FGA: variants seen among roughly 807,000 people sequenced by gnomAD.
The protein encoded by FGA is fibrinogen, A alpha polypeptide.
A neutral mutation model predicts 20.3 loss-of-function variants in FGA; 20 were observed. The observed-to-expected ratio is 0.99, with a 90% CI of 0.69 to 1.43. The LOEUF (loss-of-function observed/expected upper bound fraction) is 1.43, where lower values mean the gene tolerates loss of function less well. FGA is among the 40% of genes most tolerant of loss of function. FGA has a pLI of 0.00. For missense variants in FGA, 777 were observed against 784.7 expected, an observed-to-expected ratio of 0.99 and a Z score of 0.12; for synonymous variants, 306 against 281.6, an observed-to-expected ratio of 1.09 and a Z score of -0.87.
At chr4:154,584,366 T>C (rs1251873313), downstream of FGA, 2 of 1,614,126 alleles carry the variant, frequency 1.2e-6, no homozygotes, top group East Asian at 4.5e-5. Flanking sequence ...CTGTCAAAGG[T>C]GCTGAACTGC....
chr4:154,586,839 T>G lies in FGA; in HGVS notation c.590A>C (p.Tyr197Ser). 1 of 1,614,196 alleles carries G rather than the reference T, an allele frequency of 6.2e-7. No homozygotes were observed. The highest frequency in any genetic ancestry group is 1.7e-5 in the Admixed American group (1 of 60,022). Residue 197 changes from tyrosine (Y) to serine (S), a missense_variant, in exon 5 of 5, where the codon TAT (tyrosine) becomes TCT (serine). Physicochemically the swap from Tyr to Ser is moderately radical, Grantham distance 144. Coordinates refer to ENST00000403106, the MANE Select transcript of FGA (RefSeq NM_021871.4). ...ALAREVDLKD[Y>S]EDQQKQLEQV... ...TTCAAGTTGCTTCTGCTGATCTTCATAGTCCTTCAGATCTACTTCACGAGC... is the reference window on the plus strand; with the variant it reads ...TTCAAGTTGCTTCTGCTGATCTTCAGAGTCCTTCAGATCTACTTCACGAGC...
Position 154,585,862 on chromosome 4 carries a change from C to T in FGA, c.1567G>A (p.Ala523Thr). Residue 523 changes from alanine (A) to threonine (T), a missense_variant, in exon 5 of 5, where the codon GCC becomes ACC. By Grantham distance (58) the Ala-to-Thr change is moderately conservative. Coordinates refer to ENST00000403106, the MANE Select transcript of FGA (RefSeq NM_021871.4). ...HPDEAAFFDT[A>T]STGKTFPGFF... ...CCTGGGAATGTTTTTCCAGTTGAGG[C>T]AGTGTCGAAGAAGGCAGCTTCATCA... The T allele has an allele frequency of 6.2e-7, 1 of 1,614,118 alleles. No individual in the cohort carries two copies. Among genetic ancestry groups the T allele is most frequent in the Non-Finnish European group, 8.5e-7 (1 of 1,179,998 alleles).
downstream of FGA, chr4:154,585,181 A>G: frequency 8.1e-7 from 1 of 1,232,364 alleles, no homozygotes; most frequent in Non-Finnish European, 1.0e-6. Flanking sequence ...CATACTAAAA[A>G]TGTGATTAAT....
chr4:154,584,125 T>C, downstream of FGA: 3 of 1,104,512 alleles, frequency 2.7e-6, no homozygotes, highest in Non-Finnish European at 3.6e-6. Flanking sequence ...TTCTTCAGCC[T>C]ATTGGGTCAC....
At chr4:154,584,168 G>A, downstream of FGA, 1 of 1,614,078 alleles carries the variant, frequency 6.2e-7, no homozygotes. Context: ...ACAGCCCTGA[G>A]GGAATAATCT....
At chr4:154,587,095 T>G (rs537164289) in intron 4 of FGA, among the ~76,000 whole-genome samples, 177 bp from the exon 5 acceptor site, 1 of 152,266 alleles carries the variant, frequency 6.6e-6, no homozygotes, top group Admixed American at 6.5e-5. Flanking sequence ...GTGGAAGAGA[T>G]GTTGGGTATT....
At chr4:154,583,973 C>T (rs1730644316), downstream of FGA, 1 of 632,258 alleles carries the variant, frequency 1.6e-6, no homozygotes, top group South Asian at 2.0e-5. Context: ...ACTAATATGT[C>T]TCAGGTACAT....
At chr4:154,589,292 G>T in intron 2 of FGA, 145 bp downstream of exon 2, 1 of 933,306 alleles carries the variant, frequency 1.1e-6, no homozygotes, top group Non-Finnish European at 1.7e-6. Flanking sequence ...GCTCTTGGGA[G>T]TAGGTTCCTT....
At chr4:154,583,513 T>C (rs1272535658), downstream of FGA, 1 of 152,206 alleles carries the variant, frequency 6.6e-6, no homozygotes. Flanking sequence ...AAAATAAGTG[T>C]GCATTACAAC....
chr4:154,586,258 C>T lies in FGA; in HGVS notation c.1171G>A (p.Gly391Arg), dbSNP rs1560825216. Reference protein sequence around the residue: ...GSTGQWHSESGSFRPDSPGSG... With the variant: ...GSTGQWHSESRSFRPDSPGSG... Reference sequence around the variant, plus strand: ...CCTGGGCTATCTGGCCTAAAACTTCCAGATTCAGAGTGCCATTGTCCAGTA... The same window carrying T: ...CCTGGGCTATCTGGCCTAAAACTTCTAGATTCAGAGTGCCATTGTCCAGTA... The change falls in exon 5 of 5, where the codon GGA (glycine) becomes AGA (arginine). Residue 391 changes from glycine to arginine, a missense_variant. Gly to Arg is a moderately radical substitution (Grantham distance 125). Coordinates refer to ENST00000403106, the MANE Select transcript of FGA (RefSeq NM_021871.4). 6.2e-7 allele frequency: 1 copy of T among 1,613,980 alleles called. No homozygotes were observed.
downstream of FGA, chr4:154,584,456 AGGAGACTT>A: frequency 6.2e-7 from 1 of 1,614,152 alleles, no homozygotes; most frequent in Non-Finnish European, 8.5e-7. Context: ...CCTTCATAGG[AGGAGACTT>A]GGAGGGCATA....
At position 154,586,661 on chromosome 4, in the gene FGA, C is replaced by T. The variant is rs757886444; in HGVS notation, c.768G>A (p.Gln256=). 1.2e-6 allele frequency: 2 copies of T among 1,614,230 alleles called. No individual in the cohort carries two copies. The highest frequency in any genetic ancestry group is 1.1e-5 in the South Asian group (1 of 91,076). Residue 256 remains glutamine (Q), a synonymous_variant, in exon 5 of 5, where the codon CAG becomes CAA. Coordinates refer to ENST00000403106, the MANE Select transcript of FGA (RefSeq NM_021871.4). ...CAGGTCTCTCTAACTCCATTCTCAT[C>T]TGCGGCATGTCTGTTAATGCCTTCC... ...PEWKALTDMP[Q]MRMELERPGG... is the part of the protein sequence containing the mutation.
Position 154,586,377 on chromosome 4 carries a change from C to A in FGA, c.1052G>T (p.Ser351Ile). 4 of 1,614,176 alleles carry A rather than the reference C, an allele frequency of 2.5e-6. No individual in the cohort carries two copies. Among genetic ancestry groups the A allele is most frequent in the Non-Finnish European group, 3.4e-6 (4 of 1,180,030 alleles). Residue 351 changes from serine to isoleucine, a missense_variant, in exon 5 of 5, where the codon AGC becomes ATC. Transcript: ENST00000403106. Reference protein sequence around the residue: ...TGSTGNQNPGSPRPGSTGTWN... With the variant: ...TGSTGNQNPGIPRPGSTGTWN... Reference sequence around the variant, plus strand: ...GGTTCCGGTACTACCAGGTCTAGGGCTCCCAGGGTTTTGGTTTCCAGTACT... The same window carrying A: ...GGTTCCGGTACTACCAGGTCTAGGGATCCCAGGGTTTTGGTTTCCAGTACT...
In FGA at chr4:154,586,145, G is replaced by T; in HGVS notation, c.1284C>A (p.Tyr428Ter). Residue 428 changes from tyrosine to a stop codon, truncating the protein, a stop_gained, in exon 5 of 5, where the codon TAC (tyrosine) becomes TAA (stop). Transcript: ENST00000403106. LOFTEE classifies it low-confidence loss of function (END_TRUNC). ...GNVSPGTRRE[Y>*]HTEKLVTSKG... ...TAGAAGTGACCAGTTTTTCTGTGTG[G>T]TACTCTCTCCTTGTCCCTGGACTTA... 1 of 1,614,130 alleles carries T rather than the reference G, an allele frequency of 6.2e-7. No individual in the cohort carries two copies. The highest frequency in any genetic ancestry group is 8.5e-7 in the Non-Finnish European group (1 of 1,180,026).
intron 2 of FGA, 136 bp downstream of exon 2, chr4:154,589,301 T>C (rs1418008633): frequency 2.5e-5 from 27 of 1,063,758 alleles, no homozygotes; most frequent in Admixed American, 3.9e-5. Context: ...AGTAGGTTCC[T>C]TTTCTTTATT....
chr4:154,584,915 C>T, downstream of FGA: 3 of 1,047,178 alleles, frequency 2.9e-6, no homozygotes, highest in Non-Finnish European at 4.4e-6. Flanking sequence ...TTAAATAAGG[C>T]AAATACTGTT....
In FGA at chr4:154,585,489, T is replaced by G; in HGVS notation, c.*5A>C. The G allele has an allele frequency of 6.5e-7, 1 of 1,545,582 alleles. No homozygotes were observed. The highest frequency in any genetic ancestry group is 8.9e-7 in the Non-Finnish European group (1 of 1,117,926). ...GGAACACTGTGCAGAAATATTTAAC[T>G]TAGTCTAGGGGGACAGGGAAGGCTT... is the stretch of plus-strand genomic sequence containing the variant. On this transcript the variant is annotated 3_prime_UTR_variant, in exon 5 of 5. Transcript: ENST00000403106.
At chr4:154,589,316 A>T (rs533818127) in intron 2 of FGA, 121 bp downstream of exon 2, 1 of 1,188,324 alleles carries the variant, frequency 8.4e-7, no homozygotes, top group African/African-American at 1.5e-5. Context: ...TTTATTTGCT[A>T]TGTAGGTAAC....
chr4:154,585,809 A>T lies in FGA; in HGVS notation c.1620T>A (p.Phe540Leu). ...AGCCCCTAGACTCAGTCTCACTGAC[A>T]AACTCTCCTAACATAGGTGAGAAGA... Reference protein sequence around the residue: ...PGFFSPMLGEFVSETESRGSE... With the variant: ...PGFFSPMLGELVSETESRGSE... Residue 540 changes from phenylalanine (F) to leucine (L), a missense_variant, in exon 5 of 5, where the codon TTT becomes TTA. Transcript: ENST00000403106. 1 of 1,614,170 alleles carries T rather than the reference A, an allele frequency of 6.2e-7. No homozygotes were observed. The highest frequency in any genetic ancestry group is 1.1e-5 in the South Asian group (1 of 91,080).
Sources: allele counts gnomAD v4.1 joint callset (sites outside exome capture counted in the v4.1 genomes callset), GRCh38; gene constraint gnomAD v4.1.1; transcripts MANE v1.5; gene names NCBI Gene and HGNC (gene_info 2026-07-23, HGNC 2026-07-21).